EYA1: variants seen among roughly 807,000 people sequenced by gnomAD.
EYA1 encodes the protein protein phosphatase EYA1.
In EYA1, 16 loss-of-function variants were observed where a neutral mutation model predicts 82.0. The ratio of observed to expected loss-of-function variants is 0.20; its 90% confidence interval spans 0.13 to 0.30. EYA1 has a LOEUF of 0.30. EYA1 is among the 10% of genes least tolerant of loss of function. The pLI, the probability that EYA1 is intolerant of heterozygous loss-of-function variation, is 1.00. For synonymous variants in EYA1, 261 were observed against 264.4 expected, an observed-to-expected ratio of 0.99 and a Z score of 0.12; for missense variants, 633 against 730.7, an observed-to-expected ratio of 0.87 and a Z score of 1.54.
chr8:71,372,943 A>G lies in EYA1; in HGVS notation c.34-16432T>C, dbSNP rs561658260. On this transcript the variant is annotated intron_variant, in intron 2 of 18. Transcript: ENST00000643681. Reference sequence around the variant, plus strand: ...ACAAAGTTCAACATTCTTTCATGGTAAAAACTCTCAATGAAATAGGTGTAG... The same window carrying G: ...ACAAAGTTCAACATTCTTTCATGGTGAAAACTCTCAATGAAATAGGTGTAG... 3.3e-5 allele frequency among the ~76,000 whole-genome samples: 5 copies of G among 152,222 alleles called. No homozygotes were observed. In the East Asian group the frequency reaches 9.7e-4, roughly 29 times the overall value.
intron 7 of EYA1, among the ~76,000 whole-genome samples, chr8:71,306,207 A>G (rs527712612): frequency 6.6e-6 from 1 of 152,338 alleles, no homozygotes; most frequent in South Asian, 2.1e-4. Flanking sequence ...GAAGAAGTGT[A>G]CTCACTCCTG....
At chr8:71,309,255 A>G (rs1383007046) in intron 7 of EYA1, among the ~76,000 whole-genome samples, 1 of 152,156 alleles carries the variant, frequency 6.6e-6, no homozygotes, top group Non-Finnish European at 1.5e-5. Context: ...GTCACTAATT[A>G]TTGCTGTGCC....
chr8:71,542,854 A>G (rs565180356), intron 1 of EYA1, among the ~76,000 whole-genome samples: 4 of 152,206 alleles, frequency 2.6e-5, no homozygotes, highest in African/African-American at 9.6e-5. Flanking sequence ...GGCTACATGT[A>G]TGTCTTTGGA....
intron 2 of EYA1, among the ~76,000 whole-genome samples, chr8:71,371,607 A>G (rs989195054): frequency 2.0e-5 from 3 of 152,232 alleles, no homozygotes; most frequent in Non-Finnish European, 2.9e-5. Flanking sequence ...ATTAAGAATT[A>G]TGAAGAGTCT....
chr8:71,458,129 T>TAAATATAG (rs1246096001), intron 2 of EYA1, among the ~76,000 whole-genome samples: 1 of 152,162 alleles, frequency 6.6e-6, no homozygotes, highest in African/African-American at 2.4e-5. Context: ...AAAAAACTTT[T>TAAATATAG]AAATATAGAA....
chr8:71,233,339 C>T (rs1055295918), intron 12 of EYA1, among the ~76,000 whole-genome samples: 5 of 151,970 alleles, frequency 3.3e-5, no homozygotes, highest in South Asian at 2.1e-4. Context: ...CCAAGGCGGG[C>T]AGATCACGAG....
At chr8:71,261,160 TTAAAAAA>T (rs1036162487) in intron 11 of EYA1, among the ~76,000 whole-genome samples, 10 of 152,088 alleles carry the variant, frequency 6.6e-5, no homozygotes, top group Admixed American at 2.0e-4. Context: ...CATTGTTTTT[TTAAAAAA>T]TAAAAAATAA....
At chr8:71,241,874 T>C (rs190826131) in intron 12 of EYA1, among the ~76,000 whole-genome samples, 12 of 152,092 alleles carry the variant, frequency 7.9e-5, no homozygotes, top group African/African-American at 2.9e-4. Flanking sequence ...ATATTTGCAA[T>C]GACCAGTCCC....
intron 1 of EYA1, among the ~76,000 whole-genome samples, chr8:71,544,851 C>G (rs1171697436): frequency 1.3e-5 from 2 of 152,184 alleles, no homozygotes; most frequent in East Asian, 3.8e-4. Flanking sequence ...GAAACTGATT[C>G]ATTTCTGTGA....
chr8:71,352,164 G>A (rs1271051707), intron 3 of EYA1, among the ~76,000 whole-genome samples: 2 of 152,082 alleles, frequency 1.3e-5, no homozygotes, highest in African/African-American at 2.4e-5. Flanking sequence ...AACTAAATAA[G>A]ATTTCAAAGA....
At chr8:71,285,438 G>C (rs1044475303) in intron 9 of EYA1, among the ~76,000 whole-genome samples, 1 of 152,198 alleles carries the variant, frequency 6.6e-6, no homozygotes, top group African/African-American at 2.4e-5. Context: ...ATAAATTGCA[G>C]AAGCTGAAAA....
intron 9 of EYA1, among the ~76,000 whole-genome samples, chr8:71,276,916 C>G (rs1817241035): frequency 6.6e-6 from 1 of 152,032 alleles, no homozygotes; most frequent in African/African-American, 2.4e-5. Context: ...TAAAATAAAA[C>G]TAACATACAT....
intron 2 of EYA1, among the ~76,000 whole-genome samples, chr8:71,390,094 G>A (rs59827602): frequency 0.17 from 26,096 of 151,640 alleles, 2,637 homozygotes; most frequent in African/African-American, 0.28. Context: ...ATTTCCTTAC[G>A]TTAAATCTTC....
chr8:71,385,012 T>A (rs978150059), intron 2 of EYA1, among the ~76,000 whole-genome samples: 2 of 152,076 alleles, frequency 1.3e-5, no homozygotes, highest in African/African-American at 4.8e-5. Flanking sequence ...GGATTTTTTT[T>A]ATTTTTTATT....
At chr8:71,334,431 G>T in intron 3 of EYA1, 1 of 498,266 alleles carries the variant, frequency 2.0e-6, no homozygotes, top group South Asian at 2.1e-5. Context: ...ATTCATCATT[G>T]TTTTACATAT....
intron 3 of EYA1, among the ~76,000 whole-genome samples, chr8:71,340,305 G>A (rs903102505): frequency 6.6e-6 from 1 of 151,782 alleles, no homozygotes; most frequent in Non-Finnish European, 1.5e-5. Flanking sequence ...TTATTTGCAT[G>A]ACAAATAGTA....
At chr8:71,245,171 TTTG>T in intron 11 of EYA1, among the ~76,000 whole-genome samples, 1 of 152,246 alleles carries the variant, frequency 6.6e-6, no homozygotes, top group East Asian at 1.9e-4. Flanking sequence ...CCAGTACGGC[TTTG>T]AATGCAGCCC....
intron 1 of EYA1, among the ~76,000 whole-genome samples, chr8:71,360,776 G>C (rs890326385): frequency 6.6e-6 from 1 of 152,070 alleles, no homozygotes; most frequent in Non-Finnish European, 1.5e-5. Flanking sequence ...GCTTACTATC[G>C]ACCTTTTGTA....
intron 2 of EYA1, among the ~76,000 whole-genome samples, chr8:71,520,306 C>T (rs1586876452): frequency 6.6e-6 from 1 of 152,180 alleles, no homozygotes; most frequent in Non-Finnish European, 1.5e-5. Context: ...GAGCACTGCG[C>T]TGTGCAAGTG....
Sources: gnomAD v4.1 joint callset for allele counts (sites outside exome capture counted in the v4.1 genomes callset) on GRCh38, gnomAD v4.1.1 for gene constraint, MANE v1.5 for transcripts, NCBI Gene and HGNC (gene_info 2026-07-23, HGNC 2026-07-21) for gene names.